The following ADARB1 variants were observed in gnomAD, a reference collection of about 807,000 sequenced individuals.
ADARB1 encodes adenosine deaminase RNA specific B1.
ADARB1 carries 10 observed loss-of-function variants against 52.4 expected under a neutral mutation model. The ratio of observed to expected loss-of-function variants is 0.19; its 90% confidence interval spans 0.12 to 0.32. ADARB1 has a LOEUF of 0.32. ADARB1 is among the 10% of genes least tolerant of loss of function. The pLI is 1.00. For synonymous variants in ADARB1, 349 were observed against 371.1 expected, an observed-to-expected ratio of 0.94 and a Z score of 0.68; for missense variants, 643 against 922.3, an observed-to-expected ratio of 0.70 and a Z score of 3.92.
intron 1 of ADARB1, among the ~76,000 whole-genome samples, chr21:45,084,057 GA>G (rs796299973): frequency 4.6e-5 from 7 of 152,314 alleles, no homozygotes; most frequent in African/African-American, 1.2e-4. Flanking sequence ...AAGTGTCCCA[GA>G]ATTTGGGAGA....
Position 45,182,653 on chromosome 21 carries a change from A to G in ADARB1, c.1147A>G (p.Met383Val), listed in dbSNP as rs761113287. ...AACAAAATGTATTAATGGTGAATAC[A>G]TGAGTGATCGTGGCCTTGCATTAAA... ...TGTKCINGEY[M>V]SDRGLALNDC... Residue 383 changes from methionine (M) to valine (V), a missense_variant, in exon 6 of 11, where the codon ATG (methionine) becomes GTG (valine). Met to Val is a conservative substitution (Grantham distance 21, BLOSUM62 1). This residue lies in a region of ADARB1 where 263 missense variants were observed against 475.8 expected (regional missense o/e 0.55). Transcript: ENST00000348831. 4 of 1,612,886 alleles carry G rather than the reference A, an allele frequency of 2.5e-6. No individual in the cohort carries two copies. Among genetic ancestry groups the G allele is most frequent in the Non-Finnish European group, 3.4e-6 (4 of 1,179,626 alleles).
At chr21:45,111,336 C>A (rs2087524088) in intron 1 of ADARB1, among the ~76,000 whole-genome samples, 1 of 152,176 alleles carries the variant, frequency 6.6e-6, no homozygotes, top group Non-Finnish European at 1.5e-5. Flanking sequence ...ATATTTACAG[C>A]AAAATTGAGG....
chr21:45,172,281 C>G lies in ADARB1; in HGVS notation c.28+597C>G, dbSNP rs747672968. On this transcript the variant is annotated intron_variant, in intron 3 of 10. Transcript: ENST00000348831. This position sits in a 1 kb window ranked among gnomAD's most constrained non-coding sequence, Gnocchi z 4.4. ...GTTTCGGTGAAGGTACTTATCTCTT[C>G]TAGTTCATCTTCAGTCCCAGAAAAC... Among the ~76,000 whole-genome samples, 9 of 152,140 alleles carry G rather than the reference C, an allele frequency of 5.9e-5. No homozygotes were observed. The highest frequency in any genetic ancestry group is 1.0e-4 in the Non-Finnish European group (7 of 68,022).
Position 45,222,967 on chromosome 21 carries a change from CTT to C in ADARB1, c.*773_*774del. ...CCTTGTAGGATCAGATCATGGAAAA[CTT>C]TTCTCAGTTTACTTCTAAGTAATCA... is the stretch of plus-strand genomic sequence containing the variant. On this transcript the variant is annotated 3_prime_UTR_variant, in exon 11 of 11. Coordinates refer to ENST00000348831, the MANE Select transcript of ADARB1 (RefSeq NM_001112.4). The C allele has an allele frequency of 2.0e-6, 2 of 985,492 alleles. No individual in the cohort carries two copies. Among genetic ancestry groups the C allele is most frequent in the Middle Eastern group, 5.2e-4 (1 of 1,914 alleles). 61.0% of individuals were successfully genotyped at this position (985,492 alleles called of 1,614,324 possible). A position where few individuals can be genotyped will look rare whatever the true frequency, so the allele number is the denominator to read the frequency against.
At chr21:45,214,818 C>T (rs2090468380) in intron 9 of ADARB1, among the ~76,000 whole-genome samples, 1 of 152,142 alleles carries the variant, frequency 6.6e-6, no homozygotes, top group African/African-American at 2.4e-5. Context: ...AGTTAGTCTT[C>T]CAACTTTGTA....
Position 45,224,896 on chromosome 21 carries a change from G to A in ADARB1, c.*2699G>A, listed in dbSNP as rs992121616. 5.1e-6 allele frequency: 5 copies of A among 985,686 alleles called. No individual in the cohort carries two copies. The highest frequency in any genetic ancestry group is 5.2e-4 in the Middle Eastern group (1 of 1,914). 61.1% of individuals were successfully genotyped at this position (985,686 alleles called of 1,614,324 possible). The stretch of plus-strand genomic sequence containing the variant: ...TTTAATCCCTCCCTTCTGAGCGCTC[G>A]GTGTGCACTTTTAGACTATAGCTGT... On this transcript the variant is annotated 3_prime_UTR_variant, in exon 11 of 11. Coordinates refer to ENST00000348831, the MANE Select transcript of ADARB1 (RefSeq NM_001112.4).
intron 1 of ADARB1, among the ~76,000 whole-genome samples, chr21:45,087,927 A>G (rs912265010): frequency 1.3e-5 from 2 of 152,204 alleles, no homozygotes; most frequent in African/African-American, 4.8e-5. Context: ...ATGGTGAGCA[A>G]TGTGAAACGA....
At chr21:45,212,315 C>T (rs1218604232) in intron 9 of ADARB1, among the ~76,000 whole-genome samples, 1 of 152,098 alleles carries the variant, frequency 6.6e-6, no homozygotes, top group Non-Finnish European at 1.5e-5. Flanking sequence ...AGGGTGTGAC[C>T]TTGAACATGC....
chr21:45,094,608 A>G (rs1046966402), intron 1 of ADARB1, among the ~76,000 whole-genome samples: 5 of 152,030 alleles, frequency 3.3e-5, no homozygotes, highest in African/African-American at 1.2e-4. Context: ...CAAGGTTTCT[A>G]CGGCCCTGCA....
At chr21:45,161,847 C>T (rs8130097) in intron 2 of ADARB1, among the ~76,000 whole-genome samples, 3 of 152,108 alleles carry the variant, frequency 2.0e-5, no homozygotes, top group Non-Finnish European at 4.4e-5. Context: ...CCCATAAAAA[C>T]CCCCGGACTC....
In ADARB1 at chr21:45,208,776, G is replaced by A. The variant is rs375926384; in HGVS notation, c.1747+4040G>A. ...TATTCTCCAGGTAAGAGCAGGCACCGGGGTTGTGGGAAAGAGGTGTCAGTA... is the reference window on the plus strand; with the variant it reads ...TATTCTCCAGGTAAGAGCAGGCACCAGGGTTGTGGGAAAGAGGTGTCAGTA... On this transcript the variant is annotated intron_variant, in intron 9 of 10. Coordinates refer to ENST00000348831, the MANE Select transcript of ADARB1 (RefSeq NM_001112.4). This position sits in a 1 kb window ranked among gnomAD's most constrained non-coding sequence, Gnocchi z 5.6. Among the ~76,000 whole-genome samples the A allele has an allele frequency of 1.3e-5, 2 of 152,130 alleles. No homozygotes were observed. Among genetic ancestry groups the A allele is most frequent in the South Asian group, 2.1e-4 (1 of 4,810 alleles).
intron 2 of ADARB1, among the ~76,000 whole-genome samples, chr21:45,156,337 C>T (rs2090623615): frequency 1.4e-5 from 2 of 146,898 alleles, no homozygotes; most frequent in African/African-American, 2.5e-5. Flanking sequence ...ACCCATCACC[C>T]ATCATCCATC....
chr21:45,105,172 C>G (rs2087194259), intron 1 of ADARB1, among the ~76,000 whole-genome samples: 9 of 152,192 alleles, frequency 5.9e-5, no homozygotes, highest in Admixed American at 5.9e-4. Flanking sequence ...ATGATCTTGG[C>G]TCACCAAAAC....
Position 45,110,889 on chromosome 21 carries a change from T to C in ADARB1, c.-219-17513T>C, listed in dbSNP as rs1028790437. ...TGAGTGCTGTGCTGAGCTCTGCCCA[T>C]CTGTCCATCCTCTTGGGACACTCAT... On this transcript the variant is annotated intron_variant, in intron 1 of 10. Transcript: ENST00000348831. Among the ~76,000 whole-genome samples, 17 of 152,306 alleles carry C rather than the reference T, an allele frequency of 1.1e-4. No individual in the cohort carries two copies. The East Asian group carries it at 3.3e-3, about 29-fold the overall frequency.
In ADARB1 at chr21:45,175,992, C is replaced by T; in HGVS notation, c.291C>T (p.Leu97=). The T allele has an allele frequency of 1.2e-6, 2 of 1,614,062 alleles. No individual in the cohort carries two copies. Among genetic ancestry groups the T allele is most frequent in the South Asian group, 1.1e-5 (1 of 91,060 alleles). Residue 97 remains leucine, a synonymous_variant, in exon 4 of 11, where the codon CTC becomes CTT. Transcript: ENST00000348831. The stretch of plus-strand genomic sequence containing the variant: ...TCAAGCCTGGTTTGCAGTACACACT[C>T]CTGTCCCAGACTGGGCCCGTGCACG... The part of the protein sequence containing the change: ...NEIKPGLQYT[L]LSQTGPVHAP...
At chr21:45,163,381 A>T (rs1365504255) in intron 2 of ADARB1, among the ~76,000 whole-genome samples, 7 of 152,232 alleles carry the variant, frequency 4.6e-5, no homozygotes, top group African/African-American at 1.7e-4. Context: ...TCCTCACAGG[A>T]AGCACTTGGC....
chr21:45,076,852 G>A (rs1313182151), intron 1 of ADARB1, among the ~76,000 whole-genome samples: 1 of 152,202 alleles, frequency 6.6e-6, no homozygotes, highest in East Asian at 1.9e-4. Context: ...GGCCTTCCCT[G>A]TTTTAGGCCC....
At chr21:45,075,957 T>C (rs2085915906) in intron 1 of ADARB1, among the ~76,000 whole-genome samples, 1 of 152,266 alleles carries the variant, frequency 6.6e-6, no homozygotes, top group South Asian at 2.1e-4. Flanking sequence ...GTTTTTTTAA[T>C]TGAGAATACA....
intron 1 of ADARB1, among the ~76,000 whole-genome samples, chr21:45,077,511 T>C (rs2085988197): frequency 6.6e-6 from 1 of 151,736 alleles, no homozygotes; most frequent in African/African-American, 2.4e-5. Flanking sequence ...TAAAAAAATA[T>C]AAAAAATCAG....
Sources: gnomAD v4.1 joint callset for allele counts (sites outside exome capture counted in the v4.1 genomes callset) on GRCh38, gnomAD v4.1.1 for gene constraint, gnomAD v4.1.1 regional missense constraint, Gnocchi (gnomAD v3.1) non-coding constraint, MANE v1.5 for transcripts, NCBI Gene and HGNC (gene_info 2026-07-23, HGNC 2026-07-21) for gene names.